The following USH2A variants were observed in gnomAD, a reference collection of about 807,000 sequenced individuals.
USH2A encodes the protein Usher syndrome 2A (autosomal recessive, mild).
Under a neutral mutation model 538.9 loss-of-function variants are expected in USH2A, and 443 were observed. The ratio of observed to expected loss-of-function variants is 0.82; its 90% CI spans 0.76 to 0.89. The LOEUF is 0.89. Among genes scored for constraint, USH2A ranks in the 40% least tolerant of loss-of-function variants. USH2A has a pLI of 0.00. For missense variants in USH2A, 6,633 were observed against 6,324.8 expected, an observed-to-expected ratio of 1.05 and a Z score of -1.65; for synonymous variants, 2,413 against 2,273.5, an observed-to-expected ratio of 1.06 and a Z score of -1.75.
chr1:215,883,216 A>T (rs936249497), intron 41 of USH2A, among the ~76,000 whole-genome samples: 2 of 152,138 alleles, frequency 1.3e-5, no homozygotes, highest in East Asian at 3.9e-4. Context: ...CCAACCTAAT[A>T]TATCCTCTTA....
chr1:215,698,920 T>C (rs1453023648), intron 61 of USH2A, among the ~76,000 whole-genome samples: 1 of 152,238 alleles, frequency 6.6e-6, no homozygotes, highest in Non-Finnish European at 1.5e-5. Context: ...CTGAATGGTA[T>C]TGCCTAGGTT....
intron 32 of USH2A, among the ~76,000 whole-genome samples, chr1:216,023,635 T>C (rs985577928): frequency 6.6e-5 from 10 of 151,910 alleles, no homozygotes; most frequent in Admixed American, 5.3e-4. Context: ...ATACAGTAGA[T>C]GGAAGATAAT....
At chr1:215,822,145 C>G (rs1200737102) in intron 47 of USH2A, among the ~76,000 whole-genome samples, 1 of 151,738 alleles carries the variant, frequency 6.6e-6, no homozygotes, top group African/African-American at 2.4e-5. Flanking sequence ...AAATACTTTT[C>G]TATTTCTGTG....
At chr1:216,238,000 CT>C (rs1158969492) in intron 13 of USH2A, among the ~76,000 whole-genome samples, 1 of 152,140 alleles carries the variant, frequency 6.6e-6, no homozygotes, top group Non-Finnish European at 1.5e-5. Flanking sequence ...TGGATATCAA[CT>C]TTGATGCATT....
At chr1:215,922,076 T>C (rs1328821313) in intron 38 of USH2A, among the ~76,000 whole-genome samples, 1 of 152,048 alleles carries the variant, frequency 6.6e-6, no homozygotes, top group African/African-American at 2.4e-5. Flanking sequence ...GAATCCAGGA[T>C]GAAGATGTAA....
chr1:215,824,798 G>A (rs1468184408), intron 47 of USH2A, among the ~76,000 whole-genome samples: 1 of 152,142 alleles, frequency 6.6e-6, no homozygotes, highest in African/African-American at 2.4e-5. Context: ...CTTTTCCAGT[G>A]CAGAAATCAA....
chr1:215,957,647 G>C (rs1489185375), intron 37 of USH2A, among the ~76,000 whole-genome samples: 1 of 152,052 alleles, frequency 6.6e-6, no homozygotes, highest in Non-Finnish European at 1.5e-5. Context: ...GCCACATTAC[G>C]CCGTTCTACA....
In USH2A at chr1:216,293,021, C is replaced by CTTT. The variant is rs1198460233; in HGVS notation, c.1645-654_1645-652dup. ...AACTTATCACACTGAACACAAGCAT[C>CTTT]TTTTTTTTTTTTTTTTTTTTTGAGA... On this transcript the variant is annotated intron_variant, in intron 9 of 71. Coordinates refer to ENST00000307340, the MANE Select transcript of USH2A (RefSeq NM_206933.4). Among the ~76,000 whole-genome samples the CTTT allele has an allele frequency of 3.6e-4, 46 of 126,278 alleles. 1 individual carries two copies. Among genetic ancestry groups the CTTT allele is most frequent in the East Asian group, 4.8e-4 (2 of 4,148 alleles). 82.8% of individuals were successfully genotyped at this position (126,278 alleles called of 152,430 possible).
At chr1:216,093,059 G>T (rs555227016) in intron 22 of USH2A, among the ~76,000 whole-genome samples, 2 of 151,816 alleles carry the variant, frequency 1.3e-5, no homozygotes, top group Non-Finnish European at 2.9e-5. Context: ...TCTGCCTCCC[G>T]GGTTCAAGCA....
At position 216,370,179 on chromosome 1, in the gene USH2A, C is replaced by T. The variant is rs575683475; in HGVS notation, c.652-5094G>A. 6.0e-5 allele frequency among the ~76,000 whole-genome samples: 9 copies of T among 151,026 alleles called. 1 individual carries two copies. The highest frequency in any genetic ancestry group is 2.0e-4 in the East Asian group (1 of 5,020). ...TTCTAGACCAGCCTGGCCAACATGGCGAAACTCCGTCTCTACTAAAAATAC... is the reference window on the plus strand; with the variant it reads ...TTCTAGACCAGCCTGGCCAACATGGTGAAACTCCGTCTCTACTAAAAATAC... On this transcript the variant is annotated intron_variant, in intron 3 of 71. Coordinates refer to ENST00000307340, the MANE Select transcript of USH2A (RefSeq NM_206933.4).
intron 3 of USH2A, among the ~76,000 whole-genome samples, chr1:216,389,226 A>G (rs2039057523): frequency 6.6e-6 from 1 of 152,236 alleles, no homozygotes; most frequent in African/African-American, 2.4e-5. Context: ...AAGAGTCTTA[A>G]GGATGAAATA....
At chr1:215,950,568 G>A (rs186579729) in intron 37 of USH2A, among the ~76,000 whole-genome samples, 205 of 147,576 alleles carry the variant, frequency 1.4e-3, no homozygotes, top group African/African-American at 4.9e-3. Flanking sequence ...GTGCAATGGC[G>A]TGATCTTGGC....
At position 215,872,467 on chromosome 1, in the gene USH2A, T is replaced by C. The variant is rs529384308; in HGVS notation, c.8681+5291A>G. Among the ~76,000 whole-genome samples the C allele has an allele frequency of 3.9e-5, 6 of 152,294 alleles. No homozygotes were observed. In the South Asian group the frequency reaches 1.2e-3, roughly 32 times the overall value. On this transcript the variant is annotated intron_variant, in intron 43 of 71. Transcript: ENST00000307340. ...CTATCTATATCTACACTACCAGAAT[T>C]GTCAGACCTAAGATAATTTTGCAGT...
At chr1:215,774,084 A>G (rs1034061872) in intron 55 of USH2A, among the ~76,000 whole-genome samples, 2 of 152,122 alleles carry the variant, frequency 1.3e-5, no homozygotes. Flanking sequence ...CAGCATTTGT[A>G]CTGTCCATTT....
chr1:216,002,340 G>A (rs1571879413), intron 32 of USH2A, among the ~76,000 whole-genome samples: 4 of 151,888 alleles, frequency 2.6e-5, no homozygotes, highest in South Asian at 2.1e-4. Context: ...CTTCATCTTC[G>A]CTCTCTGGTG....
intron 32 of USH2A, among the ~76,000 whole-genome samples, chr1:216,011,204 T>C (rs1668557487): frequency 6.6e-6 from 1 of 152,246 alleles, no homozygotes; most frequent in East Asian, 1.9e-4. Flanking sequence ...TACTCTCCTA[T>C]CCTCAATACC....
chr1:215,757,063 A>G (rs1040666186), intron 58 of USH2A, among the ~76,000 whole-genome samples: 1 of 152,204 alleles, frequency 6.6e-6, no homozygotes, highest in Non-Finnish European at 1.5e-5. Flanking sequence ...GAAATTAAGA[A>G]CAGAGTTCAA....
At chr1:216,320,154 GGGT>G (rs1194623411) in intron 9 of USH2A, among the ~76,000 whole-genome samples, 2 of 152,096 alleles carry the variant, frequency 1.3e-5, no homozygotes, top group Admixed American at 6.6e-5. Context: ...GGAGATGTTT[GGGT>G]TATGGAGGTG....
At chr1:216,090,464 CATGAGT>C (rs1365561049) in intron 22 of USH2A, among the ~76,000 whole-genome samples, 1 of 151,424 alleles carries the variant, frequency 6.6e-6, no homozygotes, top group Non-Finnish European at 1.5e-5. Flanking sequence ...TTTAATTTCC[CATGAGT>C]ATGAGTGGGT....
Sources: allele counts gnomAD v4.1 joint callset (sites outside exome capture counted in the v4.1 genomes callset), GRCh38; gene constraint gnomAD v4.1.1; transcripts MANE v1.5; gene names NCBI Gene and HGNC (gene_info 2026-07-23, HGNC 2026-07-21).